KCNT1: variants seen among roughly 807,000 people sequenced by gnomAD.
The protein encoded by KCNT1 is potassium sodium-activated channel subfamily T member 1, also known as potassium channel subfamily T member 1.
KCNT1 carries 78 observed loss-of-function variants against 147.8 expected under a neutral mutation model. The ratio of observed to expected loss-of-function variants is 0.53; its 90% CI spans 0.44 to 0.64. The LOEUF (loss-of-function observed/expected upper bound fraction) is 0.64, where lower values mean the gene tolerates loss of function less well. Ranked by LOEUF, KCNT1 falls within the 30% of genes least tolerant of loss-of-function variation. KCNT1 has a pLI of 0.00. For synonymous variants in KCNT1, 867 were observed against 748.8 expected, an observed-to-expected ratio of 1.16 and a Z score of -2.58; for missense variants, 1,419 against 1,750.3, an observed-to-expected ratio of 0.81 and a Z score of 3.38.
At chr9:135,719,603 C>T (rs1835847631) in intron 2 of KCNT1, among the ~76,000 whole-genome samples, 1 of 152,210 alleles carries the variant, frequency 6.6e-6, no homozygotes, top group African/African-American at 2.4e-5. Context: ...GAAGCCACCA[C>T]TGGAGGCAAC....
intron 20 of KCNT1, among the ~76,000 whole-genome samples, chr9:135,776,743 G>A (rs190492365): frequency 1.4e-4 from 21 of 152,342 alleles, no homozygotes; most frequent in Middle Eastern, 3.4e-3. Flanking sequence ...TTGACAGATC[G>A]TTATTGATTC....
chr9:135,756,996 C>T (rs1831531419), intron 7 of KCNT1, 64 bp downstream of exon 7: 2 of 1,001,070 alleles, frequency 2.0e-6, no homozygotes, highest in Non-Finnish European at 1.4e-6. Context: ...TCCCCAGCCT[C>T]CCCCACCTCC....
Position 135,765,014 on chromosome 9 carries a change from C to G in KCNT1, c.1036-17C>G, listed in dbSNP as rs1365097340. The G allele has an allele frequency of 6.3e-7, 1 of 1,598,574 alleles. No individual in the cohort carries two copies. Among genetic ancestry groups the G allele is most frequent in the Admixed American group, 1.7e-5 (1 of 59,568 alleles). On this transcript the variant is annotated splice_polypyrimidine_tract_variant and intron_variant, in intron 11 of 30. Coordinates refer to ENST00000371757, the MANE Select transcript of KCNT1 (RefSeq NM_020822.3). ...CCCAGGCCTGGTCGCTGGTGCTCAC[C>G]TGTTTCTCACCTGCAGTTCGAGGAG...
At chr9:135,761,893 C>T (rs1190756926) in intron 11 of KCNT1, among the ~76,000 whole-genome samples, 3 of 152,238 alleles carry the variant, frequency 2.0e-5, no homozygotes, top group African/African-American at 7.2e-5. Context: ...GCTCCTCTCC[C>T]CACCCCACAC....
chr9:135,775,447 C>T (rs766631573), intron 20 of KCNT1, 32 bp downstream of exon 20: 5 of 1,537,528 alleles, frequency 3.3e-6, no homozygotes, highest in Non-Finnish European at 4.5e-6. Flanking sequence ...CGCTCTGCAC[C>T]CCCAGACGCC....
rs1564347295 is a variant in KCNT1 at position 135,752,968 on chromosome 9, TGGATGATGAGC to T, written c.435-968_435-958del. Among the ~76,000 whole-genome samples the T allele has an allele frequency of 2.0e-4, 28 of 142,308 alleles. No individual in the cohort carries two copies. In the East Asian group the frequency reaches 4.1e-3, roughly 21 times the overall value. 93.4% of individuals were successfully genotyped at this position (142,308 alleles called of 152,430 possible). On this transcript the variant is annotated intron_variant, in intron 4 of 30. Coordinates refer to ENST00000371757, the MANE Select transcript of KCNT1 (RefSeq NM_020822.3). This position sits in a 1 kb window ranked among gnomAD's most constrained non-coding sequence, Gnocchi z 5.1. Reference sequence around the variant, plus strand: ...GTAGATGGATAGATGGATGAGTGGATGGATGATGAGCAGATGGTTGGAGGGATGAGTGGATG... The same window carrying T: ...GTAGATGGATAGATGGATGAGTGGATAGATGGTTGGAGGGATGAGTGGATG...
chr9:135,726,905 T>C (rs1386123939), intron 2 of KCNT1, among the ~76,000 whole-genome samples: 42 of 4,968 alleles, frequency 8.5e-3, no homozygotes, highest in African/African-American at 0.015. Flanking sequence ...CTCTTTCCCA[T>C]TCTCTCTCTC....
At chr9:135,760,520 C>T (rs946966575) in intron 11 of KCNT1, among the ~76,000 whole-genome samples, 1 of 152,166 alleles carries the variant, frequency 6.6e-6, no homozygotes, top group African/African-American at 2.4e-5. Context: ...GAGGAAGAGC[C>T]TGAGGAGGTG....
chr9:135,729,041 A>T (rs1221486226), intron 2 of KCNT1, among the ~76,000 whole-genome samples: 1 of 152,244 alleles, frequency 6.6e-6, no homozygotes, highest in Non-Finnish European at 1.5e-5. Flanking sequence ...AAATGAGGTC[A>T]TTCAGTTGGG....
At chr9:135,716,336 T>A (rs1279600571) in intron 2 of KCNT1, among the ~76,000 whole-genome samples, 1 of 152,126 alleles carries the variant, frequency 6.6e-6, no homozygotes, top group Non-Finnish European at 1.5e-5. Flanking sequence ...TTCCTGAGTG[T>A]TCAGGAGTGG....
At chr9:135,724,962 T>C (rs986959160) in intron 2 of KCNT1, among the ~76,000 whole-genome samples, 1 of 151,820 alleles carries the variant, frequency 6.6e-6, no homozygotes, top group African/African-American at 2.4e-5. Flanking sequence ...TGAGAGGGGG[T>C]GCCCCTGGGC....
intron 19 of KCNT1, among the ~76,000 whole-genome samples, chr9:135,775,059 C>T (rs886640805): frequency 1.9e-4 from 29 of 152,302 alleles, no homozygotes; most frequent in Admixed American, 8.5e-4. Context: ...CTGCAGGACA[C>T]ACTGGGTCCT....
intron 24 of KCNT1, among the ~76,000 whole-genome samples, chr9:135,782,323 C>A (rs1833670195): frequency 6.6e-6 from 1 of 152,212 alleles, no homozygotes; most frequent in Non-Finnish European, 1.5e-5. Context: ...TGAGAGGAGT[C>A]TCTCCCCTGA....
chr9:135,779,227 C>G, intron 23 of KCNT1, 132 bp from the exon 24 acceptor site: 1 of 590,592 alleles, frequency 1.7e-6, no homozygotes, highest in Non-Finnish European at 3.0e-6. Context: ...AGACAGTGGG[C>G]CCTGCCCTGA....
chr9:135,705,616 ATC>A (rs537632939), intron 1 of KCNT1, among the ~76,000 whole-genome samples: 2 of 152,336 alleles, frequency 1.3e-5, no homozygotes, highest in East Asian at 3.9e-4. Flanking sequence ...TTAAATGGGC[ATC>A]TTTCAAAGGT....
At chr9:135,733,777 C>T in intron 2 of KCNT1, among the ~76,000 whole-genome samples, 1 of 149,600 alleles carries the variant, frequency 6.7e-6, no homozygotes. Context: ...CAGTCTCAGA[C>T]TGGCAGCCCC....
intron 1 of KCNT1, among the ~76,000 whole-genome samples, chr9:135,713,764 C>T (rs1032851826): frequency 1.3e-5 from 2 of 152,204 alleles, no homozygotes; most frequent in Non-Finnish European, 2.9e-5. Context: ...AGCCAAAACT[C>T]ACTTCAGTGG....
Position 135,782,203 on chromosome 9 carries a change from CA to C in KCNT1, c.2842-1813del, listed in dbSNP as rs57801735. On this transcript the variant is annotated intron_variant, in intron 24 of 30. Transcript: ENST00000371757. ...TGGGCGACAGAGCGAGACCCTGTCTCAAAAAAAACCAAGCAAAAAAATGAAA... is the reference window on the plus strand; with the variant it reads ...TGGGCGACAGAGCGAGACCCTGTCTCAAAAAAACCAAGCAAAAAAATGAAA... Among the ~76,000 whole-genome samples the C allele has an allele frequency of 2.1e-3, 326 of 151,864 alleles. 2 individuals carry two copies. The highest frequency in any genetic ancestry group is 7.6e-3 in the African/African-American group (315 of 41,422).
At chr9:135,753,270 CAAG>C (rs1831294386) in intron 4 of KCNT1, among the ~76,000 whole-genome samples, 1 of 152,168 alleles carries the variant, frequency 6.6e-6, no homozygotes, top group Non-Finnish European at 1.5e-5. Flanking sequence ...AAAGAAAAGA[CAAG>C]AGGAGCTGGC....
Sources: allele counts gnomAD v4.1 joint callset (sites outside exome capture counted in the v4.1 genomes callset), GRCh38; gene constraint gnomAD v4.1.1; non-coding constraint Gnocchi (gnomAD v3.1); transcripts MANE v1.5; gene names NCBI Gene and HGNC (gene_info 2026-07-23, HGNC 2026-07-21).